The following NPAS2 variants were observed in gnomAD, a reference collection of about 807,000 sequenced individuals.
NPAS2 encodes neuronal PAS domain protein 2, also known as neuronal PAS domain-containing protein 2.
NPAS2 carries 23 observed loss-of-function variants against 107.5 expected under a neutral mutation model. The ratio of observed to expected loss-of-function variants is 0.21; its 90% confidence interval spans 0.15 to 0.30. NPAS2 has a LOEUF of 0.30. NPAS2 is among the 10% of genes least tolerant of loss of function. NPAS2 has a pLI of 1.00. For missense variants in NPAS2, 756 were observed against 1,043.3 expected (o/e 0.72, Z 3.79); for synonymous variants, 403 against 417.5 (o/e 0.97, Z 0.42).
At chr2:100,977,254 G>A (rs1573776037) in intron 14 of NPAS2, 4 of 195,316 alleles carry the variant, frequency 2.0e-5, no homozygotes, top group African/African-American at 9.1e-5. Context: ...AAACATGCAT[G>A]GCGTGTCTGT....
chr2:100,933,328 A>G (rs922068620), intron 4 of NPAS2, among the ~76,000 whole-genome samples: 1 of 152,218 alleles, frequency 6.6e-6, no homozygotes, highest in African/African-American at 2.4e-5. Context: ...CAGAGGGAAG[A>G]TGAATCAGCT....
At chr2:100,875,097 A>C (rs1302826742) in intron 1 of NPAS2, among the ~76,000 whole-genome samples, 2 of 152,250 alleles carry the variant, frequency 1.3e-5, no homozygotes, top group Non-Finnish European at 2.9e-5. Flanking sequence ...AATATTACTC[A>C]GCCTTGAAAA....
chr2:100,982,268 A>G lies in NPAS2; in HGVS notation c.1520A>G (p.Asp507Gly). 2 of 1,614,202 alleles carry G rather than the reference A, an allele frequency of 1.2e-6. No individual in the cohort carries two copies. Among genetic ancestry groups the G allele is most frequent in the Non-Finnish European group, 1.7e-6 (2 of 1,180,040 alleles). ...TTCAGCATGTTCCAGACCATCAAAG[A>G]CCAGCTAGAGCAGCGGACGCGGATC... ...AQFSMFQTIKDQLEQRTRILQ... is the reference protein window; with the variant it reads ...AQFSMFQTIKGQLEQRTRILQ... Residue 507 changes from aspartate (D) to glycine (G), a missense_variant, in exon 16 of 21, where the codon GAC (aspartate) becomes GGC (glycine). Coordinates refer to ENST00000335681, the MANE Select transcript of NPAS2 (RefSeq NM_002518.4).
chr2:100,835,850 A>C (rs543906381), intron 1 of NPAS2, among the ~76,000 whole-genome samples: 1 of 152,236 alleles, frequency 6.6e-6, no homozygotes, highest in Non-Finnish European at 1.5e-5. Flanking sequence ...ACCCCAAAAC[A>C]TATCCTCCTG....
At chr2:100,854,037 T>C (rs947898051) in intron 1 of NPAS2, among the ~76,000 whole-genome samples, 2 of 149,312 alleles carry the variant, frequency 1.3e-5, no homozygotes, top group African/African-American at 4.9e-5. Context: ...CTAGTCTCAG[T>C]TACTCGGGAG....
intron 5 of NPAS2, among the ~76,000 whole-genome samples, chr2:100,942,971 C>G (rs1674665023): frequency 6.6e-6 from 1 of 152,166 alleles, no homozygotes; most frequent in South Asian, 2.1e-4. Context: ...TGCTGCAATT[C>G]CTGCATTCAT....
intron 16 of NPAS2, chr2:100,986,454 G>A (rs1332786923): frequency 6.6e-6 from 1 of 152,250 alleles, no homozygotes; most frequent in Non-Finnish European, 1.5e-5. Flanking sequence ...GGACTGCACT[G>A]AGTACAGGAA....
intron 12 of NPAS2, 121 bp from the exon 13 acceptor site, chr2:100,974,682 A>G (rs147667198): frequency 2.7e-6 from 3 of 1,109,032 alleles, no homozygotes; most frequent in East Asian, 4.9e-5. Flanking sequence ...TCGTCCCCAA[A>G]CAACTATGGT....
intron 1 of NPAS2, among the ~76,000 whole-genome samples, chr2:100,887,615 C>T (rs1004786132): frequency 2.0e-5 from 3 of 152,150 alleles, no homozygotes; most frequent in Non-Finnish European, 4.4e-5. Flanking sequence ...ATTCATGTGT[C>T]TTTAATAACA....
At chr2:100,895,661 T>TC (rs753626768) in intron 1 of NPAS2, among the ~76,000 whole-genome samples, 75 of 152,040 alleles carry the variant, frequency 4.9e-4, no homozygotes, top group Non-Finnish European at 1.0e-3. Flanking sequence ...TTGATTAGAT[T>TC]CCCCAGCTGG....
At chr2:100,951,898 C>G (rs1041572772) in intron 7 of NPAS2, among the ~76,000 whole-genome samples, 5 of 152,072 alleles carry the variant, frequency 3.3e-5, no homozygotes, top group Non-Finnish European at 7.4e-5. Flanking sequence ...ACCTGTAATC[C>G]CAGCACTTTG....
chr2:100,990,162 G>C, intron 17 of NPAS2, 94 bp from the exon 18 acceptor site: 1 of 1,085,012 alleles, frequency 9.2e-7, no homozygotes, highest in Middle Eastern at 2.6e-4. Flanking sequence ...GAAAGGCAAG[G>C]GTAGGTAGAA....
intron 14 of NPAS2, 51 bp downstream of exon 14, chr2:100,975,618 G>C (rs749051209): frequency 7.3e-7 from 1 of 1,372,852 alleles, no homozygotes; most frequent in Non-Finnish European, 1.0e-6. Context: ...CAATGTGGTG[G>C]GGGCTGCAGA....
chr2:100,904,629 C>T, intron 1 of NPAS2, 104 bp from the exon 2 acceptor site: 1 of 833,932 alleles, frequency 1.2e-6, no homozygotes, highest in Non-Finnish European at 1.9e-6. Context: ...TTGAGAACCA[C>T]TGGGCTAAGA....
chr2:100,942,288 C>T (rs541005216), intron 5 of NPAS2, among the ~76,000 whole-genome samples: 7 of 152,272 alleles, frequency 4.6e-5, no homozygotes, highest in Non-Finnish European at 7.4e-5. Flanking sequence ...AAAGCCAAAG[C>T]CCCTGGCCTG....
intron 2 of NPAS2, among the ~76,000 whole-genome samples, chr2:100,910,957 T>G (rs1682510743): frequency 6.6e-6 from 1 of 152,206 alleles, no homozygotes; most frequent in Non-Finnish European, 1.5e-5. Context: ...GTCTCCAGAC[T>G]CTAAGCCTGG....
chr2:100,874,919 C>T (rs760143988), intron 1 of NPAS2, among the ~76,000 whole-genome samples: 16 of 152,236 alleles, frequency 1.1e-4, no homozygotes, highest in Non-Finnish European at 1.8e-4. Context: ...CCCAAGGAGA[C>T]GGATGGGCCC....
intron 1 of NPAS2, among the ~76,000 whole-genome samples, chr2:100,888,908 C>T (rs1411485011): frequency 2.6e-5 from 4 of 152,050 alleles, no homozygotes; most frequent in Non-Finnish European, 5.9e-5. Flanking sequence ...TTAACTGGGG[C>T]CACTTCTTTA....
rs9223 is a variant in NPAS2 at position 100,993,365 on chromosome 2, C to G, written c.2130C>G (p.Thr710=). Residue 710 remains threonine, a synonymous_variant, in exon 20 of 21, where the codon ACC becomes ACG. Coordinates refer to ENST00000335681, the MANE Select transcript of NPAS2 (RefSeq NM_002518.4). Reference sequence around the variant, plus strand: ...GAAACAGGTACGCCCAGAGCCAGACCGTGTTTCAAAATCCAGACGCACACC... The same window carrying G: ...GAAACAGGTACGCCCAGAGCCAGACGGTGTTTCAAAATCCAGACGCACACC... ...GRQVKYAQSQ[T]VFQNPDAHPA... 7 of 1,598,152 alleles carry G rather than the reference C, an allele frequency of 4.4e-6. No individual in the cohort carries two copies. Among genetic ancestry groups the G allele is most frequent in the Admixed American group, 3.4e-5 (2 of 58,998 alleles).
Sources: gnomAD v4.1 joint callset for allele counts (sites outside exome capture counted in the v4.1 genomes callset) on GRCh38, gnomAD v4.1.1 for gene constraint, MANE v1.5 for transcripts, NCBI Gene and HGNC (gene_info 2026-07-23, HGNC 2026-07-21) for gene names.